GPAT4: variants seen among roughly 807,000 people sequenced by gnomAD.
The protein encoded by GPAT4 is 1-AGP acyltransferase 6.
In GPAT4, 17 loss-of-function variants were observed where a neutral mutation model predicts 58.0. The ratio of observed to expected loss-of-function variants is 0.29; its 90% CI spans 0.20 to 0.44. The LOEUF (loss-of-function observed/expected upper bound fraction) is 0.44. GPAT4 is among the 20% of genes least tolerant of loss of function. The probability of loss-of-function intolerance (pLI) is 1.00; values close to 1 mark genes in which losing one functional copy is unlikely to be tolerated. For missense variants in GPAT4, 377 were observed against 574.5 expected, an observed-to-expected ratio of 0.66 and a Z score of 3.51; for synonymous variants, 204 against 210.1, an observed-to-expected ratio of 0.97 and a Z score of 0.25.
intron 2 of GPAT4, among the ~76,000 whole-genome samples, chr8:41,603,114 CT>C (rs1803149200): frequency 6.6e-6 from 1 of 152,196 alleles, no homozygotes; most frequent in African/African-American, 2.4e-5. Flanking sequence ...CTCTTCACCA[CT>C]TCCTAAATTG....
intron 1 of GPAT4, among the ~76,000 whole-genome samples, chr8:41,596,967 G>C (rs928121459): frequency 6.6e-6 from 1 of 152,174 alleles, no homozygotes. Context: ...CAGGGAGTAC[G>C]TGACTGGGAG....
At chr8:41,605,546 TTTTGTTTGTTTGTTTGTTTGTTTGTTTG>T (rs145318528) in intron 2 of GPAT4, among the ~76,000 whole-genome samples, 1 of 150,950 alleles carries the variant, frequency 6.6e-6, no homozygotes, top group African/African-American at 2.4e-5. Flanking sequence ...GAAGGTTGTG[TTTTGTTTGTTTGTTTGTTTGTTTGTTTG>T]TTTGTTTGTT....
chr8:41,596,377 A>G (rs1285665942), intron 1 of GPAT4, among the ~76,000 whole-genome samples: 2 of 152,250 alleles, frequency 1.3e-5, no homozygotes, highest in African/African-American at 4.8e-5. Flanking sequence ...GGTCAAAACC[A>G]AAGTATCAAG....
chr8:41,598,900 A>G lies in GPAT4; in HGVS notation c.-240A>G, dbSNP rs963184156. 1 of 505,662 alleles carries G rather than the reference A, an allele frequency of 2.0e-6. No homozygotes were observed. Among genetic ancestry groups the G allele is most frequent in the Non-Finnish European group, 3.4e-6 (1 of 290,912 alleles). The allele number at this position is 505,662 out of a possible 1,614,324, so 31.3% of individuals were successfully genotyped here. Reference sequence around the variant, plus strand: ...GACCCATCTAGCTTCAATCATCTTTAGAGTCCATCCATTCTGGAGAGACCT... The same window carrying G: ...GACCCATCTAGCTTCAATCATCTTTGGAGTCCATCCATTCTGGAGAGACCT... On this transcript the variant is annotated 5_prime_UTR_variant, in exon 2 of 13. Transcript: ENST00000396987.
At chr8:41,605,911 T>C (rs1029091254) in intron 2 of GPAT4, among the ~76,000 whole-genome samples, 4 of 152,190 alleles carry the variant, frequency 2.6e-5, no homozygotes, top group Non-Finnish European at 5.9e-5. Flanking sequence ...GTGGCTGGAC[T>C]CTGGCAGCAT....
chr8:41,600,547 T>A (rs921240466), intron 2 of GPAT4, among the ~76,000 whole-genome samples: 1 of 152,186 alleles, frequency 6.6e-6, no homozygotes, highest in Non-Finnish European at 1.5e-5. Flanking sequence ...AATCTTGGGT[T>A]TTTTCTTTTT....
intron 1 of GPAT4, among the ~76,000 whole-genome samples, chr8:41,582,007 T>A (rs1281935459): frequency 7.8e-5 from 8 of 102,494 alleles, no homozygotes; most frequent in African/African-American, 3.0e-4. Context: ...TTTTTTTTTT[T>A]TTTTTTTTTT....
intron 1 of GPAT4, among the ~76,000 whole-genome samples, chr8:41,586,761 C>A (rs1165862557): frequency 6.6e-6 from 1 of 152,166 alleles, no homozygotes; most frequent in Non-Finnish European, 1.5e-5. Context: ...AACTAGATGC[C>A]TTTTACGTAT....
chr8:41,594,238 T>A (rs1802863221), intron 1 of GPAT4, among the ~76,000 whole-genome samples: 1 of 152,192 alleles, frequency 6.6e-6, no homozygotes, highest in South Asian at 2.1e-4. Context: ...AGCCAATATG[T>A]TTACACACAG....
chr8:41,579,853 GA>G (rs1298434694), intron 1 of GPAT4, among the ~76,000 whole-genome samples: 4 of 151,774 alleles, frequency 2.6e-5, no homozygotes, highest in Non-Finnish European at 4.4e-5. Flanking sequence ...AAAAAGAAAA[GA>G]AAAAAAGTGT....
At position 41,624,985 on chromosome 8, in the gene GPAT4, A is replaced by G. The variant is rs774629876; in HGVS notation, c.*3984A>G. ...TAAATAATCACTTGTAAGTCAATAA[A>G]TTTTTATTAAACAGTGTGGCTCTTT... On this transcript the variant is annotated 3_prime_UTR_variant, in exon 13 of 13. Coordinates refer to ENST00000396987, the MANE Select transcript of GPAT4 (RefSeq NM_178819.4). 1 of 152,152 alleles carries G rather than the reference A, an allele frequency of 6.6e-6. No homozygotes were observed. Among genetic ancestry groups the G allele is most frequent in the African/African-American group, 2.4e-5 (1 of 41,444 alleles). 9.4% of individuals were successfully genotyped at this position (152,152 alleles called of 1,614,324 possible).
chr8:41,605,179 G>C (rs1450319282), intron 2 of GPAT4, among the ~76,000 whole-genome samples: 1 of 152,194 alleles, frequency 6.6e-6, no homozygotes, highest in Non-Finnish European at 1.5e-5. Context: ...CTCTCAGACT[G>C]TGCTGAAATG....
chr8:41,597,733 G>T (rs1802970295), intron 1 of GPAT4, among the ~76,000 whole-genome samples: 1 of 152,216 alleles, frequency 6.6e-6, no homozygotes, highest in Admixed American at 6.5e-5. Flanking sequence ...TGCACCTGCA[G>T]AGTGAAGGAG....
chr8:41,603,309 C>T (rs1158634694), intron 2 of GPAT4, among the ~76,000 whole-genome samples: 4 of 152,062 alleles, frequency 2.6e-5, no homozygotes, highest in Admixed American at 2.6e-4. Flanking sequence ...GGTGGATCAC[C>T]TGAGGTCGGG....
At position 41,580,951 on chromosome 8, in the gene GPAT4, GT is replaced by G. The variant is rs573431979; in HGVS notation, c.-849+2675del. Among the ~76,000 whole-genome samples the G allele has an allele frequency of 3.5e-4, 53 of 152,312 alleles. No homozygotes were observed. The South Asian group carries it at 0.01, about 30-fold the overall frequency. ...TTCTTGTGTGTGCTTGTCACCACAA[GT>G]TAGCTTTTATTAAAAACAAAACAAA... is the stretch of plus-strand genomic sequence containing the variant. On this transcript the variant is annotated intron_variant, in intron 1 of 12. Coordinates refer to ENST00000396987, the MANE Select transcript of GPAT4 (RefSeq NM_178819.4).
chr8:41,624,232 G>T lies in GPAT4; in HGVS notation c.*3231G>T, dbSNP rs1803846504. ...CACCGTGTCAGAATCCGTCCCTGGT[G>T]CTGCCTTTCAGAGAAGAGGCTTGAT... On this transcript the variant is annotated 3_prime_UTR_variant, in exon 13 of 13. Coordinates refer to ENST00000396987, the MANE Select transcript of GPAT4 (RefSeq NM_178819.4). 6.6e-6 allele frequency: 1 copy of T among 152,274 alleles called. No homozygotes were observed. The highest frequency in any genetic ancestry group is 2.4e-5 in the African/African-American group (1 of 41,458). The allele number at this position is 152,274 out of a possible 1,614,324, so 9.4% of individuals were successfully genotyped here.
intron 1 of GPAT4, among the ~76,000 whole-genome samples, chr8:41,579,955 G>T (rs934617106): frequency 6.6e-6 from 1 of 152,148 alleles, no homozygotes; most frequent in African/African-American, 2.4e-5. Context: ...TCAGTGACTT[G>T]TCCAGAGCTG....
chr8:41,578,223 C>CA lies in GPAT4; in HGVS notation c.-902dup, dbSNP rs1311660937. 6.6e-6 allele frequency: 1 copy of CA among 151,718 alleles called. No homozygotes were observed. Among genetic ancestry groups the CA allele is most frequent in the Non-Finnish European group, 1.5e-5 (1 of 68,032 alleles). The allele number at this position is 151,718 out of a possible 1,614,324, so 9.4% of individuals were successfully genotyped here. A position where few individuals can be genotyped will look rare whatever the true frequency, so the allele number is the denominator to read the frequency against. On this transcript the variant is annotated 5_prime_UTR_variant, in exon 1 of 13. Transcript: ENST00000396987. ...ACGCAGCTTGGGCCCGCGGCGGCGG[C>CA]AAGGGCGGGAGGGAGCGGTCGCCGC...
At chr8:41,587,400 G>A (rs1226713587) in intron 1 of GPAT4, among the ~76,000 whole-genome samples, 1 of 152,156 alleles carries the variant, frequency 6.6e-6, no homozygotes, top group East Asian at 1.9e-4. Flanking sequence ...CTAGTGACAG[G>A]GGCTTAGATG....
Sources: allele counts gnomAD v4.1 joint callset (sites outside exome capture counted in the v4.1 genomes callset), GRCh38; gene constraint gnomAD v4.1.1; transcripts MANE v1.5; gene names NCBI Gene and HGNC (gene_info 2026-07-23, HGNC 2026-07-21).